The following RMDN2 variants were observed in gnomAD, a reference collection of about 807,000 sequenced individuals.
RMDN2 encodes the protein regulator of microtubule dynamics protein 2.
A neutral mutation model predicts 52.8 loss-of-function variants in RMDN2; 61 were observed. That is an observed-to-expected ratio of 1.16 (90% CI 0.94 to 1.43). The LOEUF is 1.43. Among genes scored for constraint, RMDN2 ranks in the 40% most tolerant of loss-of-function variants. The probability of loss-of-function intolerance (pLI) is 0.00; values close to 1 mark genes in which losing one functional copy is unlikely to be tolerated. For missense variants in RMDN2, 592 were observed against 475.3 expected (o/e 1.25, Z -2.28); for synonymous variants, 180 against 153.1 (o/e 1.18, Z -1.30).
chr2:38,002,266 C>A (rs994515341), intron 8 of RMDN2, among the ~76,000 whole-genome samples: 12 of 152,030 alleles, frequency 7.9e-5, no homozygotes, highest in African/African-American at 2.7e-4. Flanking sequence ...TGGGAATCTC[C>A]CTTACAGGAA....
intron 2 of RMDN2, chr2:37,951,236 C>T (rs772479468): frequency 2.5e-6 from 4 of 1,578,098 alleles, no homozygotes; most frequent in Non-Finnish European, 2.6e-6. Context: ...CTCTTAGCTG[C>T]TGCAAAGAGG....
chr2:37,979,578 C>A (rs1387879284), intron 4 of RMDN2, among the ~76,000 whole-genome samples: 1 of 152,190 alleles, frequency 6.6e-6, no homozygotes, highest in Non-Finnish European at 1.5e-5. Context: ...CAGTATGTTT[C>A]TGAAGTATTA....
At chr2:38,003,266 A>G (rs1676555527) in intron 8 of RMDN2, among the ~76,000 whole-genome samples, 1 of 152,164 alleles carries the variant, frequency 6.6e-6, no homozygotes, top group African/African-American at 2.4e-5. Flanking sequence ...CTAAATAGAT[A>G]GTGAGGCTGG....
In RMDN2 at chr2:37,989,599, T is replaced by C; in HGVS notation, c.850T>C (p.Tyr284His). The part of the protein sequence containing the change: ...EFEGLQNKIN[Y>H]GHLFKEHLDI... Reference sequence around the variant, plus strand: ...TGAGGGTTTACAAAACAAAATCAACTATGGGCACCTCTTCAAGGTATTTCT... The same window carrying C: ...TGAGGGTTTACAAAACAAAATCAACCATGGGCACCTCTTCAAGGTATTTCT... The change falls in exon 6 of 11, where the codon TAT becomes CAT. Residue 284 changes from tyrosine to histidine, a missense_variant. Tyr to His is a moderately conservative substitution (Grantham distance 83, BLOSUM62 2). Coordinates refer to ENST00000354545, the MANE Select transcript of RMDN2 (RefSeq NM_001170791.3). 1.2e-6 allele frequency: 2 copies of C among 1,609,278 alleles called. No homozygotes were observed. Among genetic ancestry groups the C allele is most frequent in the Non-Finnish European group, 8.5e-7 (1 of 1,176,846 alleles).
chr2:37,997,625 C>G, intron 8 of RMDN2, 111 bp downstream of exon 8: 1 of 735,524 alleles, frequency 1.4e-6, no homozygotes, highest in Non-Finnish European at 2.4e-6. Flanking sequence ...AGTTTGAATC[C>G]TGGTTTTGGC....
At chr2:38,066,892 C>G in intron 10 of RMDN2, 1 of 1,200,388 alleles carries the variant, frequency 8.3e-7, no homozygotes, top group Middle Eastern at 2.4e-4. Flanking sequence ...CATAGCCATA[C>G]CTTCTGGCTG....
intron 10 of RMDN2, among the ~76,000 whole-genome samples, chr2:38,013,894 T>C (rs551186626): frequency 2.6e-5 from 4 of 152,218 alleles, no homozygotes; most frequent in Admixed American, 2.0e-4. Flanking sequence ...TGGAGAATTA[T>C]TCCTAGTACT....
chr2:38,032,626 C>T (rs914338974), intron 10 of RMDN2, among the ~76,000 whole-genome samples: 16 of 152,262 alleles, frequency 1.1e-4, no homozygotes, highest in African/African-American at 3.4e-4. Flanking sequence ...GATCACCTGA[C>T]ATCAGGAGTT....
chr2:38,029,812 C>A (rs1374192), intron 10 of RMDN2: 93,350 of 151,016 alleles, frequency 0.62, 29,428 homozygotes, highest in East Asian at 0.89. Flanking sequence ...GACATACCCA[C>A]CACTAGATAA....
chr2:37,995,355 TACTACTACTAC>T (rs1483913500), intron 7 of RMDN2, among the ~76,000 whole-genome samples: 147 of 151,506 alleles, frequency 9.7e-4, no homozygotes, highest in Middle Eastern at 3.4e-3. Context: ...CTACTACTAC[TACTACTACTAC>T]ACACACACAC....
intron 2 of RMDN2, chr2:37,952,423 T>A (rs1265808088): frequency 2.0e-6 from 1 of 496,968 alleles, no homozygotes; most frequent in Non-Finnish European, 3.5e-6. Context: ...AAGATGATTT[T>A]GTTTCAAGCT....
chr2:37,949,315 G>C (rs1383391078), intron 2 of RMDN2, among the ~76,000 whole-genome samples: 1 of 152,150 alleles, frequency 6.6e-6, no homozygotes, highest in African/African-American at 2.4e-5. Context: ...AGCAGGTTTA[G>C]CAGATTTGCT....
At chr2:38,033,273 C>T (rs1680341908) in intron 10 of RMDN2, 1 of 152,192 alleles carries the variant, frequency 6.6e-6, no homozygotes, top group Non-Finnish European at 1.5e-5. Context: ...CTTGCCTTAA[C>T]ACTGGCAGTA....
chr2:37,981,368 C>G, intron 5 of RMDN2, 25 bp downstream of exon 5: 1 of 1,453,612 alleles, frequency 6.9e-7, no homozygotes, highest in Non-Finnish European at 9.6e-7. Context: ...TTTATGCAGT[C>G]TTTTAAATTC....
downstream of RMDN2, among the ~76,000 whole-genome samples, chr2:38,022,540 T>G (rs1188373618): frequency 6.6e-6 from 1 of 152,064 alleles, no homozygotes; most frequent in Non-Finnish European, 1.5e-5. Flanking sequence ...AAAGCGGGAG[T>G]TCTGACCCAA....
intron 4 of RMDN2, 28 bp from the exon 5 acceptor site, chr2:37,981,255 A>G: frequency 1.5e-6 from 2 of 1,342,204 alleles, no homozygotes; most frequent in Non-Finnish European, 2.1e-6. Context: ...ACATGAAGGT[A>G]TTAAGTGTAA....
chr2:38,020,546 G>C (rs1679272335), downstream of RMDN2, among the ~76,000 whole-genome samples: 1 of 152,230 alleles, frequency 6.6e-6, no homozygotes, highest in Non-Finnish European at 1.5e-5. Flanking sequence ...GCTGTGCCCG[G>C]CGCTTGCGGG....
chr2:38,007,714 G>A (rs1356735079), intron 10 of RMDN2, among the ~76,000 whole-genome samples: 1 of 152,022 alleles, frequency 6.6e-6, no homozygotes, highest in African/African-American at 2.4e-5. Context: ...CTTCAGTTCT[G>A]CTCTGATCTT....
At chr2:38,057,056 C>T (rs1425704953) in intron 10 of RMDN2, among the ~76,000 whole-genome samples, 2 of 152,116 alleles carry the variant, frequency 1.3e-5, no homozygotes, top group African/African-American at 2.4e-5. Flanking sequence ...CTAGCACAGT[C>T]CAGGGCCATT....
Sources: allele counts gnomAD v4.1 joint callset (sites outside exome capture counted in the v4.1 genomes callset), GRCh38; gene constraint gnomAD v4.1.1; transcripts MANE v1.5; gene names NCBI Gene and HGNC (gene_info 2026-07-23, HGNC 2026-07-21).